NHS: variants seen among roughly 807,000 people sequenced by gnomAD.
NHS encodes the protein actin remodeling regulator NHS.
Under a neutral mutation model 72.5 loss-of-function variants are expected in NHS, and 5 were observed. The ratio of observed to expected loss-of-function variants is 0.07; its 90% CI spans 0.04 to 0.14. The LOEUF is 0.14. Ranked by LOEUF, NHS falls within the 10% of genes least tolerant of loss-of-function variation. The pLI, the probability that NHS is intolerant of heterozygous loss-of-function variation, is 1.00. For synonymous variants in NHS, 464 were observed against 547.7 expected, an observed-to-expected ratio of 0.85 and a Z score of 2.13; for missense variants, 1,072 against 1,355.7, an observed-to-expected ratio of 0.79 and a Z score of 3.29.
chrX:17,695,942 A>AAG (rs1491139247), intron 3 of NHS, among the ~76,000 whole-genome samples: 9 of 93,123 alleles, frequency 9.7e-5, no homozygotes, highest in Non-Finnish European at 1.3e-4. Context: ...AAAAAAAAAA[A>AAG]GGGGGGGGGT....
At position 17,468,044 on chromosome X, in the gene NHS, CTGCT is replaced by C. The variant is rs760882318; in HGVS notation, c.565+91724_565+91727del. On this transcript the variant is annotated intron_variant, in intron 1 of 8. Transcript: ENST00000676302. ...CCAGGGATTTGGGAATGGGCTGTCT[CTGCT>C]TATATTAAGAACATGTAAAAAATAG... is the stretch of plus-strand genomic sequence containing the variant. Among the ~76,000 whole-genome samples the C allele has an allele frequency of 7.6e-3, 850 of 111,345 alleles. 10 individuals are homozygous for C. Among genetic ancestry groups the C allele is most frequent in the African/African-American group, 0.027 (814 of 30,641 alleles).
chrX:17,566,941 C>T (rs902101509), intron 1 of NHS, among the ~76,000 whole-genome samples: 2 of 111,103 alleles, frequency 1.8e-5, no homozygotes, highest in Non-Finnish European at 3.8e-5. Context: ...TGAGCAGGCA[C>T]CAGATATACC....
At chrX:17,621,110 C>T (rs989537732) in intron 1 of NHS, among the ~76,000 whole-genome samples, 4 of 112,357 alleles carry the variant, frequency 3.6e-5, no homozygotes, top group African/African-American at 1.3e-4. Context: ...GGCCTGACTA[C>T]GGGAAAGGTC....
rs753069255 is a variant in NHS, at chrX:17,418,331, T to G, written c.565+42009T>G. On this transcript the variant is annotated intron_variant, in intron 1 of 8. Transcript: ENST00000676302. ...TTGGAGACGTTTTACTATTGCTTACTTAAAAATAGGCTAGAAGTCTAGAGA... is the reference window on the plus strand; with the variant it reads ...TTGGAGACGTTTTACTATTGCTTACGTAAAAATAGGCTAGAAGTCTAGAGA... 1.5e-4 allele frequency among the ~76,000 whole-genome samples: 17 copies of G among 111,935 alleles called. 1 individual carries two copies. The South Asian group carries it at 5.6e-3, about 37-fold the overall frequency.
chrX:17,652,531 C>A (rs1448918638), intron 1 of NHS, among the ~76,000 whole-genome samples: 1 of 111,381 alleles, frequency 9.0e-6, no homozygotes, highest in African/African-American at 3.3e-5. Flanking sequence ...TATGTGAGAG[C>A]TAAAAAAAAG....
At chrX:17,695,038 G>A (rs780628079) in intron 3 of NHS, among the ~76,000 whole-genome samples, 2 of 112,624 alleles carry the variant, frequency 1.8e-5, no homozygotes, top group South Asian at 7.2e-4. Context: ...GCCTAGCACA[G>A]TGCCTAAAAT....
chrX:17,473,780 A>C (rs1373603506), intron 1 of NHS, among the ~76,000 whole-genome samples: 1 of 112,012 alleles, frequency 8.9e-6, no homozygotes, highest in Non-Finnish European at 1.9e-5. Context: ...AATATTTTAG[A>C]CATAATGGAT....
At chrX:17,415,647 C>T (rs1327921706) in intron 1 of NHS, among the ~76,000 whole-genome samples, 1 of 111,907 alleles carries the variant, frequency 8.9e-6, no homozygotes, top group Non-Finnish European at 1.9e-5. Flanking sequence ...GCACAGTGGT[C>T]CCTTTTATGG....
At chrX:17,536,802 C>T in intron 1 of NHS, among the ~76,000 whole-genome samples, 1 of 112,436 alleles carries the variant, frequency 8.9e-6, no homozygotes, top group East Asian at 2.8e-4. Flanking sequence ...GACTAATCAA[C>T]AAGTTGTTCT....
At position 17,726,424 on chromosome X, in the gene NHS, C is replaced by G; in HGVS notation, c.2318C>G (p.Thr773Ser). The change falls in exon 7 of 9, where the codon ACT becomes AGT. Residue 773 changes from threonine to serine, a missense_variant. Coordinates refer to ENST00000676302, the MANE Select transcript of NHS (RefSeq NM_001291867.2). ...LEKSPSDKAD[T>S]SSHFSVDTEG... ...AAGTCTCCATCAGACAAAGCGGACA[C>G]TAGCTCTCACTTTTCAGTAGACACG... The G allele has an allele frequency of 8.3e-7, 1 of 1,212,090 alleles. No individual in the cohort carries two copies. The highest frequency in any genetic ancestry group is 1.1e-6 in the Non-Finnish European group (1 of 895,533).
At chrX:17,624,216 C>T (rs1601806131) in intron 1 of NHS, among the ~76,000 whole-genome samples, 2 of 112,759 alleles carry the variant, frequency 1.8e-5, no homozygotes, top group South Asian at 7.3e-4. Flanking sequence ...AATGAAAGGG[C>T]AAAACTACAA....
At chrX:17,723,741 G>GTGTGTGTGTGTGTGTGTGTGTGTGTA (rs1569318241) in intron 5 of NHS, among the ~76,000 whole-genome samples, 66 of 91,961 alleles carry the variant, frequency 7.2e-4, no homozygotes, top group Middle Eastern at 5.6e-3. Flanking sequence ...GTGTGTGTGT[G>GTGTGTGTGTGTGTGTGTGTGTGTGTA]TGTGTGTGTG....
intron 1 of NHS, among the ~76,000 whole-genome samples, chrX:17,392,732 A>T (rs2146846717): frequency 8.9e-6 from 1 of 112,154 alleles, no homozygotes; most frequent in Non-Finnish European, 1.9e-5. Flanking sequence ...TATAATGCAA[A>T]TAACGAATGT....
chrX:17,600,228 G>A (rs1281097608), intron 1 of NHS, among the ~76,000 whole-genome samples: 1 of 110,497 alleles, frequency 9.1e-6, no homozygotes, highest in Non-Finnish European at 1.9e-5. Flanking sequence ...AGTTTGCGCT[G>A]GAAAAGTTAA....
At chrX:17,549,763 C>T (rs1370919873) in intron 1 of NHS, among the ~76,000 whole-genome samples, 2 of 111,173 alleles carry the variant, frequency 1.8e-5, no homozygotes, top group Non-Finnish European at 3.8e-5. Flanking sequence ...GAGAAAACAG[C>T]TGGGGGATGA....
intron 1 of NHS, among the ~76,000 whole-genome samples, chrX:17,388,380 G>A (rs1374370164): frequency 1.8e-5 from 2 of 111,492 alleles, no homozygotes; most frequent in East Asian, 2.8e-4. Flanking sequence ...GATTTGGGGC[G>A]GGGTTACTAT....
chrX:17,623,843 T>A (rs1240396403), intron 1 of NHS, among the ~76,000 whole-genome samples: 1 of 112,365 alleles, frequency 8.9e-6, no homozygotes, highest in African/African-American at 3.2e-5. Flanking sequence ...CCATCCTCCA[T>A]GCTCTTCTTC....
intron 1 of NHS, among the ~76,000 whole-genome samples, chrX:17,606,407 A>T (rs1406589895): frequency 1.8e-5 from 2 of 112,004 alleles, no homozygotes; most frequent in East Asian, 5.6e-4. Flanking sequence ...TTTGCTCTCC[A>T]TACTTGCTGG....
intron 1 of NHS, among the ~76,000 whole-genome samples, chrX:17,447,491 G>C (rs1403455337): frequency 9.0e-6 from 1 of 111,010 alleles, no homozygotes; most frequent in African/African-American, 3.3e-5. Context: ...GAAAGGGACA[G>C]GTGGACATTG....
Sources: allele counts gnomAD v4.1 joint callset (sites outside exome capture counted in the v4.1 genomes callset), GRCh38; gene constraint gnomAD v4.1.1; transcripts MANE v1.5; gene names NCBI Gene and HGNC (gene_info 2026-07-23, HGNC 2026-07-21).